INSYN2B: variants seen among roughly 807,000 people sequenced by gnomAD.
INSYN2B encodes the protein protein INSYN2B.
A neutral mutation model predicts 41.2 loss-of-function variants in INSYN2B; 16 were observed. That is an observed-to-expected ratio of 0.39 (90% confidence interval 0.26 to 0.59). INSYN2B has a LOEUF of 0.59. Among genes scored for constraint, INSYN2B ranks in the 20% least tolerant of loss-of-function variants. The pLI is 0.57. For synonymous variants in INSYN2B, 245 were observed against 244.4 expected, an observed-to-expected ratio of 1.00 and a Z score of -0.02; for missense variants, 608 against 646.4, an observed-to-expected ratio of 0.94 and a Z score of 0.64.
chr5:169,947,409 C>T (rs1056567453), intron 1 of INSYN2B, among the ~76,000 whole-genome samples: 3 of 152,202 alleles, frequency 2.0e-5, no homozygotes, highest in Admixed American at 6.5e-5. Context: ...GCTTTCTCAT[C>T]CATTATTCTG....
At chr5:169,911,794 A>T (rs564597808) in intron 1 of INSYN2B, among the ~76,000 whole-genome samples, 99 of 152,338 alleles carry the variant, frequency 6.5e-4, no homozygotes, top group Middle Eastern at 6.8e-3. Flanking sequence ...TCACCAAGTT[A>T]CATCAGCAAG....
rs1023982161 is a variant in INSYN2B at position 169,862,983 on chromosome 5, A to T, written c.*1290T>A. Among the ~76,000 whole-genome samples the T allele has an allele frequency of 6.6e-6, 1 of 152,210 alleles. No homozygotes were observed. Among genetic ancestry groups the T allele is most frequent in the Non-Finnish European group, 1.5e-5 (1 of 68,036 alleles). On this transcript the variant is annotated 3_prime_UTR_variant, in exon 4 of 4. Transcript: ENST00000377365. ...GCAATGTCAATCTAACCACATGCTGATAGAGATTTTAATTCAACCAGAAGG... is the reference window on the plus strand; with the variant it reads ...GCAATGTCAATCTAACCACATGCTGTTAGAGATTTTAATTCAACCAGAAGG...
At chr5:169,952,981 A>T (rs1348995472) in intron 1 of INSYN2B, among the ~76,000 whole-genome samples, 1 of 152,218 alleles carries the variant, frequency 6.6e-6, no homozygotes, top group Non-Finnish European at 1.5e-5. Flanking sequence ...GTTATTCAAT[A>T]TACTTATTTA....
rs369166459 is a variant in INSYN2B, at chr5:169,948,030, A to G, written c.-919+32247T>C. Among the ~76,000 whole-genome samples, 87 of 152,224 alleles carry G rather than the reference A, an allele frequency of 5.7e-4. 1 individual carries two copies. In the East Asian group the frequency reaches 0.011, roughly 19 times the overall value. On this transcript the variant is annotated intron_variant, in intron 1 of 3. Transcript: ENST00000377365. ...CTCTCAGGCCTTTCCTCTGGGGCTG[A>G]TCCTACCTTCAGGAGACCCAGAGAG... is the stretch of plus-strand genomic sequence containing the variant.
chr5:169,921,554 T>C (rs1314741376), intron 1 of INSYN2B, among the ~76,000 whole-genome samples: 1 of 152,244 alleles, frequency 6.6e-6, no homozygotes, highest in Non-Finnish European at 1.5e-5. Context: ...CTCCTCTTCG[T>C]AGGAATTTGC....
chr5:169,933,867 A>G (rs1412806931), intron 1 of INSYN2B, among the ~76,000 whole-genome samples: 1 of 152,156 alleles, frequency 6.6e-6, no homozygotes, highest in Non-Finnish European at 1.5e-5. Flanking sequence ...AGAGAAATGA[A>G]CAGAGCGTGC....
At chr5:169,934,669 G>T (rs1475267257) in intron 1 of INSYN2B, 3 of 456,218 alleles carry the variant, frequency 6.6e-6, no homozygotes, top group South Asian at 4.6e-5. Flanking sequence ...CTGATGATAG[G>T]ACTGAACCGA....
At chr5:169,915,589 C>T (rs1774830314) in intron 1 of INSYN2B, among the ~76,000 whole-genome samples, 1 of 150,896 alleles carries the variant, frequency 6.6e-6, no homozygotes, top group African/African-American at 2.4e-5. Flanking sequence ...CACACACACA[C>T]ACACACACAC....
chr5:169,896,759 A>G (rs1433366447), intron 1 of INSYN2B, among the ~76,000 whole-genome samples: 4 of 152,224 alleles, frequency 2.6e-5, no homozygotes, highest in African/African-American at 9.7e-5. Flanking sequence ...TATTTATGAT[A>G]TAGTCCCTAC....
rs1184098185 is a variant in INSYN2B, at chr5:169,883,096, G to A, written c.803C>T (p.Thr268Ile). ...CLNATSVASH[T>I]PGTEELKPEL... ...AGGTTTAAGTTCCTCTGTGCCTGGT[G>A]TGTGGCTGGCAACGCTGGTGGCATT... The change falls in exon 2 of 4, where the codon ACA becomes ATA. Residue 268 changes from threonine to isoleucine, a missense_variant. Coordinates refer to ENST00000377365, the MANE Select transcript of INSYN2B (RefSeq NM_001129891.3). 6 of 1,551,656 alleles carry A rather than the reference G, an allele frequency of 3.9e-6. No individual in the cohort carries two copies. The highest frequency in any genetic ancestry group is 2.4e-5 in the East Asian group (1 of 40,926).
intron 1 of INSYN2B, among the ~76,000 whole-genome samples, chr5:169,972,570 TA>T (rs201582918): frequency 0.062 from 3,963 of 64,158 alleles, 67 homozygotes; most frequent in Non-Finnish European, 0.08. Flanking sequence ...GATAGATAGA[TA>T]GATAGATAGA....
intron 1 of INSYN2B, among the ~76,000 whole-genome samples, chr5:169,959,254 G>A (rs759809802): frequency 6.6e-6 from 1 of 151,954 alleles, no homozygotes. Context: ...ATAGCTGGGC[G>A]TGGTGGTGCA....
At chr5:169,870,013 T>C (rs1771852551) in intron 3 of INSYN2B, among the ~76,000 whole-genome samples, 2 of 152,124 alleles carry the variant, frequency 1.3e-5, no homozygotes, top group Non-Finnish European at 2.9e-5. Flanking sequence ...CAATGCAAAA[T>C]TCCGGACACG....
intron 1 of INSYN2B, among the ~76,000 whole-genome samples, chr5:169,936,015 T>TGGGGGGA (rs932251370): frequency 6.6e-6 from 1 of 152,030 alleles, no homozygotes. Flanking sequence ...CTTGGGGAGG[T>TGGGGGGA]GGCATGGCGG....
At chr5:169,866,591 G>T (rs1277621404) in intron 3 of INSYN2B, among the ~76,000 whole-genome samples, 1 of 152,216 alleles carries the variant, frequency 6.6e-6, no homozygotes, top group Admixed American at 6.5e-5. Context: ...ATGGTAGGCA[G>T]ACAATCTCCC....
chr5:169,968,646 A>G (rs1777387475), intron 1 of INSYN2B, among the ~76,000 whole-genome samples: 1 of 152,184 alleles, frequency 6.6e-6, no homozygotes, highest in Non-Finnish European at 1.5e-5. Flanking sequence ...AACTGCAGAG[A>G]GACTGAGTCT....
At chr5:169,919,585 T>A (rs1279749917) in intron 1 of INSYN2B, among the ~76,000 whole-genome samples, 5 of 152,330 alleles carry the variant, frequency 3.3e-5, no homozygotes, top group Non-Finnish European at 7.3e-5. Context: ...CATTAATGGT[T>A]TGAAGAAGTG....
intron 3 of INSYN2B, among the ~76,000 whole-genome samples, chr5:169,876,911 A>G (rs547543810): frequency 2.1e-4 from 32 of 152,316 alleles, no homozygotes; most frequent in African/African-American, 6.0e-4. Context: ...AGCACCAAGT[A>G]TGTATGAGAC....
intron 1 of INSYN2B, among the ~76,000 whole-genome samples, chr5:169,966,616 C>G (rs995948267): frequency 7.9e-5 from 12 of 152,272 alleles, no homozygotes; most frequent in Admixed American, 5.2e-4. Flanking sequence ...GGACCTGGCT[C>G]CATACCCTTA....
Sources: allele counts gnomAD v4.1 joint callset (sites outside exome capture counted in the v4.1 genomes callset), GRCh38; gene constraint gnomAD v4.1.1; transcripts MANE v1.5; gene names NCBI Gene and HGNC (gene_info 2026-07-23, HGNC 2026-07-21).